TAFA2: variants seen among roughly 807,000 people sequenced by gnomAD.
TAFA2 encodes the protein TAFA chemokine like family member 2.
A neutral mutation model predicts 18.8 loss-of-function variants in TAFA2; 7 were observed. That is an observed-to-expected ratio of 0.37 (90% confidence interval 0.21 to 0.70). The LOEUF is 0.70. TAFA2 is among the 30% of genes least tolerant of loss of function. The pLI is 0.53. For missense variants in TAFA2, 122 were observed against 158.1 expected (o/e 0.77, Z 1.23); for synonymous variants, 60 against 54.2 (o/e 1.11, Z -0.47).
intron 4 of TAFA2, among the ~76,000 whole-genome samples, chr12:61,726,879 T>G (rs949934991): frequency 6.6e-6 from 1 of 152,120 alleles, no homozygotes; most frequent in Non-Finnish European, 1.5e-5. Context: ...ATGAATGGCT[T>G]TTATTATCTT....
At chr12:61,740,915 A>G (rs1211622780) in intron 4 of TAFA2, among the ~76,000 whole-genome samples, 1 of 151,982 alleles carries the variant, frequency 6.6e-6, no homozygotes, top group Non-Finnish European at 1.5e-5. Context: ...TAACAGCTAA[A>G]TAACTCATGT....
intron 1 of TAFA2, among the ~76,000 whole-genome samples, chr12:61,955,632 A>AAAAAAT (rs1878655397): frequency 2.4e-5 from 1 of 41,202 alleles, no homozygotes; most frequent in African/African-American, 1.2e-4. Flanking sequence ...AAAAAAAAAA[A>AAAAAAT]ATATATATAT....
At chr12:62,044,939 T>A (rs994990580) in intron 1 of TAFA2, among the ~76,000 whole-genome samples, 3 of 152,146 alleles carry the variant, frequency 2.0e-5, no homozygotes, top group Non-Finnish European at 2.9e-5. Context: ...AGCACCTCCA[T>A]CTGTGTTCCT....
At chr12:62,047,147 A>C (rs1881930907) in intron 1 of TAFA2, among the ~76,000 whole-genome samples, 1 of 152,136 alleles carries the variant, frequency 6.6e-6, no homozygotes, top group African/African-American at 2.4e-5. Context: ...ATAAGTAATA[A>C]ACATTCTCTT....
At chr12:62,088,111 T>G (rs1230153625) in intron 1 of TAFA2, among the ~76,000 whole-genome samples, 1 of 151,952 alleles carries the variant, frequency 6.6e-6, no homozygotes, top group Non-Finnish European at 1.5e-5. Flanking sequence ...GAATCAAGGG[T>G]AACTCCTCAG....
chr12:61,726,543 A>G (rs11174143), intron 4 of TAFA2, among the ~76,000 whole-genome samples: 11,539 of 151,984 alleles, frequency 0.076, 1,404 homozygotes, highest in African/African-American at 0.26. Flanking sequence ...CTTGGTCACT[A>G]TTGGTGTATA....
At chr12:61,833,773 C>G (rs1872808084) in intron 2 of TAFA2, among the ~76,000 whole-genome samples, 1 of 151,898 alleles carries the variant, frequency 6.6e-6, no homozygotes, top group South Asian at 2.1e-4. Flanking sequence ...GGGTGATTCC[C>G]TATTCAAAGA....
At chr12:62,248,186 C>T (rs1014322674) in intron 1 of TAFA2, among the ~76,000 whole-genome samples, 9 of 152,236 alleles carry the variant, frequency 5.9e-5, no homozygotes, top group Non-Finnish European at 1.3e-4. Context: ...CTTTGCCCAA[C>T]TTTATCAGGT....
intron 1 of TAFA2, among the ~76,000 whole-genome samples, chr12:61,952,743 A>G (rs1565693918): frequency 1.3e-5 from 2 of 152,124 alleles, no homozygotes; most frequent in Admixed American, 1.3e-4. Context: ...CTAAAGCTAT[A>G]GAAAATTGTA....
intron 1 of TAFA2, among the ~76,000 whole-genome samples, chr12:62,164,801 T>C (rs1014865841): frequency 1.3e-5 from 2 of 152,066 alleles, no homozygotes; most frequent in African/African-American, 4.8e-5. Context: ...ACATTGAGGA[T>C]CACATAAATG....
chr12:61,962,588 A>T (rs1878924396), intron 1 of TAFA2, among the ~76,000 whole-genome samples: 1 of 151,920 alleles, frequency 6.6e-6, no homozygotes, highest in Non-Finnish European at 1.5e-5. Context: ...TTTTCTTTTC[A>T]AATTCAAAAA....
intron 2 of TAFA2, among the ~76,000 whole-genome samples, chr12:61,790,739 T>G (rs901341301): frequency 6.6e-6 from 1 of 151,822 alleles, no homozygotes; most frequent in Non-Finnish European, 1.5e-5. Flanking sequence ...TGATAGACAT[T>G]TCTTGTTCAT....
At chr12:61,924,081 G>C (rs767356675) in intron 1 of TAFA2, among the ~76,000 whole-genome samples, 7 of 151,886 alleles carry the variant, frequency 4.6e-5, no homozygotes, top group Non-Finnish European at 8.8e-5. Context: ...AAGAAATATG[G>C]GGCTATGTGA....
chr12:61,974,185 T>A (rs1416983980), intron 1 of TAFA2, among the ~76,000 whole-genome samples: 1 of 151,750 alleles, frequency 6.6e-6, no homozygotes, highest in Non-Finnish European at 1.5e-5. Flanking sequence ...AATCTCTATA[T>A]AATAAAATAT....
At chr12:61,961,602 G>A (rs1878888223) in intron 1 of TAFA2, among the ~76,000 whole-genome samples, 1 of 151,926 alleles carries the variant, frequency 6.6e-6, no homozygotes, top group Non-Finnish European at 1.5e-5. Context: ...ATAGCTTAAA[G>A]AGGATAAGTA....
intron 1 of TAFA2, among the ~76,000 whole-genome samples, chr12:62,054,967 C>T (rs1444078014): frequency 1.3e-5 from 2 of 152,260 alleles, no homozygotes; most frequent in East Asian, 3.9e-4. Flanking sequence ...ATCACTATTG[C>T]TATAGACAAT....
rs577935344 is a variant in TAFA2, at chr12:61,833,974, T to C, written c.106+33346A>G. Among the ~76,000 whole-genome samples, 11 of 152,160 alleles carry C rather than the reference T, an allele frequency of 7.2e-5. No individual in the cohort carries two copies. The South Asian group carries it at 1.7e-3, about 23-fold the overall frequency. ...CTCTATTATTAGTAAATTTCCTGCA[T>C]GGTTCAAGCCAAGGTTGGTCTCTAA... On this transcript the variant is annotated intron_variant, in intron 2 of 4. Transcript: ENST00000416284.
intron 1 of TAFA2, among the ~76,000 whole-genome samples, chr12:61,914,159 G>A (rs1373490468): frequency 6.6e-6 from 1 of 152,132 alleles, no homozygotes; most frequent in Non-Finnish European, 1.5e-5. Context: ...ATGCCCTAAG[G>A]ATGAAGATCC....
At chr12:61,961,743 T>G (rs534581868) in intron 1 of TAFA2, among the ~76,000 whole-genome samples, 1 of 152,032 alleles carries the variant, frequency 6.6e-6, no homozygotes, top group Non-Finnish European at 1.5e-5. Context: ...AAGTTCTCCA[T>G]GTGATTGGTT....
Sources: gnomAD v4.1 joint callset for allele counts (sites outside exome capture counted in the v4.1 genomes callset) on GRCh38, gnomAD v4.1.1 for gene constraint, MANE v1.5 for transcripts, NCBI Gene and HGNC (gene_info 2026-07-23, HGNC 2026-07-21) for gene names.